The following OSBPL2 variants were observed in gnomAD, a reference collection of about 807,000 sequenced individuals.
The protein encoded by OSBPL2 is oxysterol binding protein like 2, also known as oxysterol-binding protein-related protein 2.
Under a neutral mutation model 58.4 loss-of-function variants are expected in OSBPL2, and 18 were observed. That is an observed-to-expected ratio of 0.31 (90% CI 0.21 to 0.46). The LOEUF (loss-of-function observed/expected upper bound fraction) is 0.46, where lower values mean the gene tolerates loss of function less well. Among genes scored for constraint, OSBPL2 ranks in the 20% least tolerant of loss-of-function variants. OSBPL2 has a pLI of 1.00. For missense variants in OSBPL2, 461 were observed against 616.5 expected, an observed-to-expected ratio of 0.75 and a Z score of 2.67; for synonymous variants, 221 against 234.1, an observed-to-expected ratio of 0.94 and a Z score of 0.51.
intron 3 of OSBPL2, among the ~76,000 whole-genome samples, chr20:62,260,779 G>A (rs763088600): frequency 3.3e-5 from 5 of 151,824 alleles, no homozygotes; most frequent in African/African-American, 9.7e-5. Context: ...CTTGAGCCCA[G>A]GAGTTGGAGA....
Position 62,288,580 on chromosome 20 carries a change from CT to C in OSBPL2, c.1126-626del, listed in dbSNP as rs1453798717. Among the ~76,000 whole-genome samples, 1 of 148,972 alleles carries C rather than the reference CT, an allele frequency of 6.7e-6. No individual in the cohort carries two copies. Among genetic ancestry groups the C allele is most frequent in the Non-Finnish European group, 1.5e-5 (1 of 67,400 alleles). On this transcript the variant is annotated intron_variant, in intron 11 of 13. Coordinates refer to ENST00000313733, the MANE Select transcript of OSBPL2 (RefSeq NM_144498.4). This position sits in a 1 kb window ranked among gnomAD's most constrained non-coding sequence, Gnocchi z 4.8. Reference sequence around the variant, plus strand: ...AGGCCGGAGGCTGTGGGTGCAGAGGCTGGGAGGCTGTGGGTGCAGAGGCCGA... The same window carrying C: ...AGGCCGGAGGCTGTGGGTGCAGAGGCGGGAGGCTGTGGGTGCAGAGGCCGA...
At chr20:62,244,776 G>T (rs887832510) in intron 1 of OSBPL2, among the ~76,000 whole-genome samples, 1 of 152,232 alleles carries the variant, frequency 6.6e-6, no homozygotes, top group African/African-American at 2.4e-5. Flanking sequence ...CACACTGGCC[G>T]CGAGGCCCAG....
At position 62,280,959 on chromosome 20, in the gene OSBPL2, G is replaced by A. The variant is rs113246582; in HGVS notation, c.675-99G>A. Reference sequence around the variant, plus strand: ...AGCGTGCTGCTCTCCCGCGGGTGCCGGTTGCTGTGACCCAGCCCCGCCTGG... The same window carrying A: ...AGCGTGCTGCTCTCCCGCGGGTGCCAGTTGCTGTGACCCAGCCCCGCCTGG... On this transcript the variant is annotated intron_variant, in intron 7 of 13. Coordinates refer to ENST00000313733, the MANE Select transcript of OSBPL2 (RefSeq NM_144498.4). The A allele has an allele frequency of 0.078, 67,636 of 863,572 alleles. 4,044 individuals carry two copies. The highest frequency in any genetic ancestry group is 0.2 in the African/African-American group (12,175 of 60,680). The allele number at this position is 863,572 out of a possible 1,614,324, so 53.5% of individuals were successfully genotyped here.
chr20:62,286,243 T>G, intron 10 of OSBPL2: 1 of 187,384 alleles, frequency 5.3e-6, no homozygotes, highest in Non-Finnish European at 1.1e-5. Context: ...GAGGTCAGGA[T>G]TTCAAGACCA....
At chr20:62,273,723 G>T (rs1041944034) in intron 6 of OSBPL2, among the ~76,000 whole-genome samples, 1 of 152,192 alleles carries the variant, frequency 6.6e-6, no homozygotes. Flanking sequence ...GTGTAGGATT[G>T]TTGTGAGCTT....
At chr20:62,266,503 C>T (rs1031528571) in intron 4 of OSBPL2, among the ~76,000 whole-genome samples, 9 of 151,420 alleles carry the variant, frequency 5.9e-5, no homozygotes, top group African/African-American at 9.7e-5. Flanking sequence ...GTTCTGGATC[C>T]GCAGTGATTG....
chr20:62,278,484 T>G (rs568126366), intron 6 of OSBPL2: 77 of 158,426 alleles, frequency 4.9e-4, no homozygotes, highest in African/African-American at 1.9e-3. Flanking sequence ...TTGCCAACAT[T>G]AGGCCAAGTG....
chr20:62,280,220 A>C, intron 7 of OSBPL2: 1 of 880,276 alleles, frequency 1.1e-6, no homozygotes, highest in Non-Finnish European at 1.6e-6. Flanking sequence ...TTGCCTGATG[A>C]AGCATTTGAT....
rs1052458589 is a variant in OSBPL2, at chr20:62,294,933, ATTTT to A, written c.*1052_*1055del. 1.4e-5 allele frequency: 2 copies of A among 141,284 alleles called. No homozygotes were observed. Among genetic ancestry groups the A allele is most frequent in the African/African-American group, 5.3e-5 (2 of 37,728 alleles). 8.8% of individuals were successfully genotyped at this position (141,284 alleles called of 1,614,324 possible). On this transcript the variant is annotated 3_prime_UTR_variant, in exon 14 of 14. Transcript: ENST00000313733. The stretch of plus-strand genomic sequence containing the variant: ...AGCATTCACCTTTATCAAGTGACTG[ATTTT>A]TTTTTCTTTTCTTTCCTTTTTTTTT...
intron 7 of OSBPL2, chr20:62,279,890 C>T (rs1982669313): frequency 8.2e-7 from 1 of 1,220,978 alleles, no homozygotes; most frequent in African/African-American, 1.6e-5. Context: ...ACTCCCCCAC[C>T]CTGTGCTCAT....
chr20:62,256,028 TAAG>T, intron 1 of OSBPL2, 26 bp from the exon 2 acceptor site: 2 of 701,240 alleles, frequency 2.9e-6, no homozygotes, highest in Non-Finnish European at 4.6e-6. Context: ...TTCTGGAAGC[TAAG>T]TATGCCAAAA....
chr20:62,249,974 GT>G (rs1568826539), intron 1 of OSBPL2, among the ~76,000 whole-genome samples: 1 of 152,232 alleles, frequency 6.6e-6, no homozygotes, highest in Admixed American at 6.5e-5. Context: ...GGGGCCATCT[GT>G]GCTTCCCAGC....
intron 12 of OSBPL2, chr20:62,291,458 G>A (rs532357161): frequency 4.9e-5 from 25 of 514,834 alleles, no homozygotes; most frequent in Non-Finnish European, 6.1e-5. Flanking sequence ...TAGTGCTGTC[G>A]TAGAACACGC....
intron 1 of OSBPL2, among the ~76,000 whole-genome samples, chr20:62,244,141 G>T (rs1979929906): frequency 6.6e-6 from 1 of 152,186 alleles, no homozygotes; most frequent in Non-Finnish European, 1.5e-5. Context: ...GGCTGGGCAG[G>T]TGCCCTGGGG....
chr20:62,294,108 C>A lies in OSBPL2; in HGVS notation c.*221C>A, dbSNP rs576075883. 1 of 616,906 alleles carries A rather than the reference C, an allele frequency of 1.6e-6. No individual in the cohort carries two copies. The highest frequency in any genetic ancestry group is 2.7e-6 in the Non-Finnish European group (1 of 373,358). The allele number at this position is 616,906 out of a possible 1,614,324, so 38.2% of individuals were successfully genotyped here. On this transcript the variant is annotated 3_prime_UTR_variant, in exon 14 of 14. Coordinates refer to ENST00000313733, the MANE Select transcript of OSBPL2 (RefSeq NM_144498.4). ...TTCATAAAGCTTCACTTGGGATCAT[C>A]GTCTTCATTAAGGTTTCAACAGGGA... is the stretch of plus-strand genomic sequence containing the variant.
intron 11 of OSBPL2, 73 bp from the exon 12 acceptor site, chr20:62,289,134 A>G (rs1983326039): frequency 2.6e-6 from 4 of 1,559,270 alleles, no homozygotes; most frequent in African/African-American, 1.4e-5. Context: ...TCAGGGGCCC[A>G]CTGGGGGTCT....
chr20:62,268,408 C>T (rs1373457664), intron 4 of OSBPL2, among the ~76,000 whole-genome samples: 2 of 152,128 alleles, frequency 1.3e-5, no homozygotes, highest in Non-Finnish European at 2.9e-5. Flanking sequence ...CCTCCTGGTG[C>T]TCTCTGCTTT....
chr20:62,281,742 G>A (rs935437225), intron 8 of OSBPL2, 48 bp from the exon 9 acceptor site: 22 of 1,424,272 alleles, frequency 1.5e-5, no homozygotes, highest in Non-Finnish European at 2.1e-5. Context: ...TACCCTTTCC[G>A]GCTGTTTGCT....
At chr20:62,274,053 C>T (rs926141298) in intron 6 of OSBPL2, among the ~76,000 whole-genome samples, 10 of 152,222 alleles carry the variant, frequency 6.6e-5, no homozygotes, top group Non-Finnish European at 1.3e-4. Flanking sequence ...TGGTGGCCCT[C>T]ACCTCACAGA....
Sources: gnomAD v4.1 joint callset for allele counts (sites outside exome capture counted in the v4.1 genomes callset) on GRCh38, gnomAD v4.1.1 for gene constraint, Gnocchi (gnomAD v3.1) non-coding constraint, MANE v1.5 for transcripts, NCBI Gene and HGNC (gene_info 2026-07-23, HGNC 2026-07-21) for gene names.